SMG7: variants seen among roughly 807,000 people sequenced by gnomAD.
The protein encoded by SMG7 is nonsense-mediated mRNA decay factor SMG7.
SMG7 carries 34 observed loss-of-function variants against 148.2 expected under a neutral mutation model. The ratio of observed to expected loss-of-function variants is 0.23; its 90% confidence interval spans 0.17 to 0.31. SMG7 has a LOEUF of 0.31. Ranked by LOEUF, SMG7 falls within the 10% of genes least tolerant of loss-of-function variation. The probability of loss-of-function intolerance (pLI) is 1.00; values close to 1 mark genes in which losing one functional copy is unlikely to be tolerated. For missense variants in SMG7, 1,114 were observed against 1,408.4 expected (o/e 0.79, Z 3.35); for synonymous variants, 492 against 515.1 (o/e 0.96, Z 0.61).
intron 2 of SMG7, among the ~76,000 whole-genome samples, chr1:183,514,385 A>G (rs2102448579): frequency 6.6e-6 from 1 of 152,266 alleles, no homozygotes; most frequent in Admixed American, 6.5e-5. Flanking sequence ...TTGGGGGGTG[A>G]ATAGCTTGTA....
chr1:183,543,935 A>C (rs1368129968), intron 14 of SMG7, among the ~76,000 whole-genome samples: 1 of 152,184 alleles, frequency 6.6e-6, no homozygotes, highest in Non-Finnish European at 1.5e-5. Flanking sequence ...TAACTCACCT[A>C]TGGGTTAATA....
Position 183,544,446 on chromosome 1 carries a change from T to G in SMG7, c.1936T>G (p.Phe646Val), listed in dbSNP as rs1669518853. 3.1e-6 allele frequency: 5 copies of G among 1,613,884 alleles called. No individual in the cohort carries two copies. The East Asian group carries it at 1.1e-4, about 36-fold the overall frequency. Residue 646 changes from phenylalanine to valine, a missense_variant, in exon 15 of 23, where the codon TTC (phenylalanine) becomes GTC (valine). Around this residue, in one of 4 missense-constraint regions of SMG7, gnomAD observed 788 missense variants for 894.5 expected, o/e 0.88. Transcript: ENST00000688051. ...QTPTQASNSQFIPIHHPGAFP... is the reference protein window; with the variant it reads ...QTPTQASNSQVIPIHHPGAFP... ...CCCAACTCAAGCAAGTAACTCCCAG[T>G]TCATCCCCATTCATCACCCTGGAGC...
chr1:183,520,970 C>T (rs1326801774), intron 4 of SMG7, among the ~76,000 whole-genome samples: 1 of 151,908 alleles, frequency 6.6e-6, no homozygotes, highest in East Asian at 1.9e-4. Context: ...ATTCCACAGG[C>T]AGTGATTGAG....
At chr1:183,491,433 G>A (rs1656974653) in intron 1 of SMG7, among the ~76,000 whole-genome samples, 1 of 152,256 alleles carries the variant, frequency 6.6e-6, no homozygotes, top group South Asian at 2.1e-4. Flanking sequence ...TTGTGTACAT[G>A]TGTTTTCATT....
At chr1:183,531,764 A>G (rs185745792) in intron 8 of SMG7, among the ~76,000 whole-genome samples, 1 of 152,318 alleles carries the variant, frequency 6.6e-6, no homozygotes, top group African/African-American at 2.4e-5. Flanking sequence ...TAGATACAGG[A>G]AATACATTAC....
rs1401145405 is a variant in SMG7, at chr1:183,542,080, A to G, written c.1420A>G (p.Ile474Val). ...KWIADNQPRLIQCENEVGKLL... is the reference protein window; with the variant it reads ...KWIADNQPRLVQCENEVGKLL... ...GATTTATTTTTGCTTTTTTAGGCTG[A>G]TTCAGTGTGAAAATGAGGTAGGGAA... is the stretch of plus-strand genomic sequence containing the variant. The change falls in exon 14 of 23, where the codon ATT becomes GTT. Residue 474 changes from isoleucine to valine, a missense_variant. Ile to Val is a conservative substitution (Grantham distance 29). Transcript: ENST00000688051. The G allele has an allele frequency of 1.2e-6, 2 of 1,607,954 alleles. No individual in the cohort carries two copies. The highest frequency in any genetic ancestry group is 1.7e-6 in the Non-Finnish European group (2 of 1,176,464).
At chr1:183,526,305 C>G (rs1260113664) in intron 4 of SMG7, among the ~76,000 whole-genome samples, 1 of 151,736 alleles carries the variant, frequency 6.6e-6, no homozygotes, top group Admixed American at 6.6e-5. Flanking sequence ...CTCACCACCA[C>G]TCCCGGCTGA....
intron 1 of SMG7, among the ~76,000 whole-genome samples, chr1:183,481,646 CTT>C (rs1420385806): frequency 1.3e-5 from 2 of 152,066 alleles, no homozygotes; most frequent in African/African-American, 4.8e-5. Context: ...GATACTTACT[CTT>C]TAGGATAGTG....
chr1:183,475,341 G>A (rs1360162614), intron 1 of SMG7, among the ~76,000 whole-genome samples: 1 of 152,194 alleles, frequency 6.6e-6, no homozygotes, highest in Non-Finnish European at 1.5e-5. Flanking sequence ...AGACAGGGAT[G>A]TACTGTTTTA....
At chr1:183,512,604 C>A (rs1412387725) in intron 1 of SMG7, among the ~76,000 whole-genome samples, 2 of 152,200 alleles carry the variant, frequency 1.3e-5, no homozygotes, top group Middle Eastern at 3.4e-3. Flanking sequence ...CAGAAGAGGT[C>A]ACTTAACTTT....
At chr1:183,542,979 T>G (rs1669201886) in intron 14 of SMG7, among the ~76,000 whole-genome samples, 1 of 148,832 alleles carries the variant, frequency 6.7e-6, no homozygotes, top group Non-Finnish European at 1.5e-5. Flanking sequence ...GTATTTTTTT[T>G]CTTGGAAAAA....
At chr1:183,512,358 G>A (rs1306430460) in intron 1 of SMG7, among the ~76,000 whole-genome samples, 4 of 152,160 alleles carry the variant, frequency 2.6e-5, no homozygotes, top group African/African-American at 9.7e-5. Context: ...TATTTAGTAA[G>A]TGGGAATTGT....
At chr1:183,494,368 GT>G (rs375262010) in intron 1 of SMG7, among the ~76,000 whole-genome samples, 2,467 of 142,890 alleles carry the variant, frequency 0.017, 70 homozygotes, top group African/African-American at 0.059. Flanking sequence ...TTTGGTTTTT[GT>G]TTTTTTTTTC....
intron 1 of SMG7, among the ~76,000 whole-genome samples, chr1:183,482,294 G>A (rs1393968789): frequency 6.6e-6 from 1 of 152,066 alleles, no homozygotes; most frequent in Non-Finnish European, 1.5e-5. Context: ...TTATATTTGA[G>A]TAGCTGGTGT....
At position 183,505,403 on chromosome 1, in the gene SMG7, C is replaced by A. The variant is rs1173148613; in HGVS notation, c.30-7434C>A. Among the ~76,000 whole-genome samples the A allele has an allele frequency of 2.0e-5, 3 of 152,188 alleles. No homozygotes were observed. The East Asian group carries it at 5.8e-4, about 29-fold the overall frequency. On this transcript the variant is annotated intron_variant, in intron 1 of 22. Coordinates refer to ENST00000688051, the MANE Select transcript of SMG7 (RefSeq NM_001375584.1). ...TTTTCTATACTCCACTCTTCCCTTG[C>A]TGTCATACTATTCACCAATTTCTTC...
intron 1 of SMG7, among the ~76,000 whole-genome samples, chr1:183,479,020 G>A (rs545073398): frequency 1.3e-5 from 2 of 152,214 alleles, no homozygotes; most frequent in African/African-American, 2.4e-5. Context: ...ATATAAGAGT[G>A]GAATTTTGGC....
chr1:183,511,296 C>T (rs1256140142), intron 1 of SMG7, among the ~76,000 whole-genome samples: 4 of 152,140 alleles, frequency 2.6e-5, no homozygotes, highest in Admixed American at 6.5e-5. Context: ...TTCTTAAAAT[C>T]TGTAATATGT....
At chr1:183,537,048 TA>T (rs1667915936) in intron 10 of SMG7, 96 bp from the exon 11 acceptor site, 1 of 784,438 alleles carries the variant, frequency 1.3e-6, no homozygotes, top group Non-Finnish European at 2.2e-6. Flanking sequence ...GAAAAATACA[TA>T]AAGTCCAGGA....
chr1:183,542,106 ATTG>A lies in SMG7; in HGVS notation c.1452_1454del (p.Leu484del). The A allele has an allele frequency of 6.2e-7, 1 of 1,612,994 alleles. No individual in the cohort carries two copies. Among genetic ancestry groups the A allele is most frequent in the Non-Finnish European group, 8.5e-7 (1 of 1,179,276 alleles). On this transcript the variant is annotated inframe_deletion, in exon 14 of 23. Coordinates refer to ENST00000688051, the MANE Select transcript of SMG7 (RefSeq NM_001375584.1). ...TTCAGTGTGAAAATGAGGTAGGGAA[ATTG>A]TTGTTTATCACAGAAATCCCAGAAT...
Sources: allele counts gnomAD v4.1 joint callset (sites outside exome capture counted in the v4.1 genomes callset), GRCh38; gene constraint gnomAD v4.1.1; regional missense constraint gnomAD v4.1.1; transcripts MANE v1.5; gene names NCBI Gene and HGNC (gene_info 2026-07-23, HGNC 2026-07-21).